The following ZMAT4 variants were observed in gnomAD, a reference collection of about 807,000 sequenced individuals.
ZMAT4 encodes zinc finger matrin-type 4.
A neutral mutation model predicts 28.7 loss-of-function variants in ZMAT4; 17 were observed. The ratio of observed to expected loss-of-function variants is 0.59; its 90% CI spans 0.41 to 0.89. ZMAT4 has a LOEUF of 0.89. Ranked by LOEUF, ZMAT4 falls within the 40% of genes least tolerant of loss-of-function variation. ZMAT4 has a pLI of 0.00. For missense variants in ZMAT4, 240 were observed against 283.8 expected (o/e 0.85, Z 1.11); for synonymous variants, 117 against 109.2 (o/e 1.07, Z -0.44).
chr8:40,795,478 A>G (rs1362749064), intron 2 of ZMAT4, among the ~76,000 whole-genome samples: 1 of 152,198 alleles, frequency 6.6e-6, no homozygotes, highest in African/African-American at 2.4e-5. Flanking sequence ...ATTTACAGTT[A>G]CAGAAATTCA....
chr8:40,794,748 C>A (rs1814514009), intron 2 of ZMAT4, among the ~76,000 whole-genome samples: 1 of 152,130 alleles, frequency 6.6e-6, no homozygotes, highest in African/African-American at 2.4e-5. Flanking sequence ...ATGTCCCTCC[C>A]CTGTGGATCA....
chr8:40,629,666 T>C (rs1806503982), intron 5 of ZMAT4, among the ~76,000 whole-genome samples: 1 of 151,754 alleles, frequency 6.6e-6, no homozygotes. Flanking sequence ...GTTTGGTTTT[T>C]TGTCCTTGAG....
chr8:40,601,614 GAA>G (rs1325704407), intron 5 of ZMAT4, among the ~76,000 whole-genome samples: 2 of 27,202 alleles, frequency 7.4e-5, no homozygotes, highest in African/African-American at 1.9e-4. Context: ...AAGAAAGAAA[GAA>G]AGAAAGAAAG....
intron 2 of ZMAT4, among the ~76,000 whole-genome samples, chr8:40,791,845 C>T (rs909086921): frequency 3.9e-5 from 6 of 152,154 alleles, no homozygotes; most frequent in African/African-American, 1.4e-4. Flanking sequence ...AGCCCTGTGC[C>T]CTGGTGTCCA....
intron 5 of ZMAT4, among the ~76,000 whole-genome samples, chr8:40,671,544 A>C (rs1217263313): frequency 3.9e-5 from 6 of 152,192 alleles, no homozygotes; most frequent in Non-Finnish European, 8.8e-5. Context: ...ACAATGTGTG[A>C]TCCACAATAA....
chr8:40,585,262 C>G (rs1292874985), intron 5 of ZMAT4, among the ~76,000 whole-genome samples: 2 of 152,022 alleles, frequency 1.3e-5, no homozygotes, highest in Non-Finnish European at 1.5e-5. Context: ...TAGGAAGCAG[C>G]CTAAGAGACT....
chr8:40,681,464 T>C (rs1809162810), intron 4 of ZMAT4, among the ~76,000 whole-genome samples: 1 of 152,168 alleles, frequency 6.6e-6, no homozygotes, highest in Non-Finnish European at 1.5e-5. Flanking sequence ...CTACCAACAG[T>C]AAAGTTAGAT....
intron 5 of ZMAT4, among the ~76,000 whole-genome samples, chr8:40,619,794 C>CT: frequency 6.6e-6 from 1 of 152,198 alleles, no homozygotes; most frequent in East Asian, 1.9e-4. Context: ...CGACAATCCC[C>CT]TGAGTAAGGA....
chr8:40,813,360 G>A (rs1563501770), intron 2 of ZMAT4, among the ~76,000 whole-genome samples: 1 of 152,218 alleles, frequency 6.6e-6, no homozygotes, highest in Non-Finnish European at 1.5e-5. Flanking sequence ...TTAAAATCAG[G>A]AAGGGTAAAG....
intron 1 of ZMAT4, among the ~76,000 whole-genome samples, chr8:40,832,674 C>T (rs1206077858): frequency 2.6e-5 from 4 of 152,116 alleles, no homozygotes; most frequent in South Asian, 2.1e-4. Context: ...ACTCCACAGC[C>T]GACTAAAAAT....
At chr8:40,589,808 C>T (rs943647558) in intron 5 of ZMAT4, among the ~76,000 whole-genome samples, 4 of 126,150 alleles carry the variant, frequency 3.2e-5, no homozygotes, top group Non-Finnish European at 3.5e-5. Context: ...CTTTGTCTTT[C>T]CTTTCTTTTT....
chr8:40,751,624 A>G (rs995150623), intron 3 of ZMAT4, among the ~76,000 whole-genome samples: 2 of 152,024 alleles, frequency 1.3e-5, no homozygotes, highest in African/African-American at 2.4e-5. Context: ...CAAATAACCA[A>G]ACTATAACAT....
intron 1 of ZMAT4, among the ~76,000 whole-genome samples, chr8:40,850,537 T>G (rs1342875346): frequency 6.6e-6 from 1 of 152,160 alleles, no homozygotes; most frequent in Admixed American, 6.5e-5. Flanking sequence ...CTTTGTGGGG[T>G]AGAGATCTCT....
intron 5 of ZMAT4, among the ~76,000 whole-genome samples, chr8:40,664,560 C>T (rs976230406): frequency 1.3e-5 from 2 of 152,180 alleles, no homozygotes; most frequent in Non-Finnish European, 2.9e-5. Flanking sequence ...AATGAGCTGG[C>T]TTTAGGAGTA....
At chr8:40,772,858 G>A (rs967719331) in intron 2 of ZMAT4, among the ~76,000 whole-genome samples, 3 of 152,204 alleles carry the variant, frequency 2.0e-5, no homozygotes, top group East Asian at 3.9e-4. Flanking sequence ...GGGGAGAAGA[G>A]GAGCCAATAG....
Position 40,569,268 on chromosome 8 carries a change from C to A in ZMAT4, c.674+11897G>T, listed in dbSNP as rs796508591. 4.6e-5 allele frequency among the ~76,000 whole-genome samples: 7 copies of A among 152,308 alleles called. 1 individual carries two copies. The highest frequency in any genetic ancestry group is 1.7e-4 in the African/African-American group (7 of 41,582). ...TCTCTCCCTACTTCCCCAGCAAAAT[C>A]TAATTAAATAAAGTGACATTTCTCA... On this transcript the variant is annotated intron_variant, in intron 6 of 6. Coordinates refer to ENST00000297737, the MANE Select transcript of ZMAT4 (RefSeq NM_024645.3).
At chr8:40,756,066 C>G (rs1029561999) in intron 3 of ZMAT4, among the ~76,000 whole-genome samples, 2 of 152,092 alleles carry the variant, frequency 1.3e-5, no homozygotes, top group Non-Finnish European at 2.9e-5. Flanking sequence ...CACATTGATC[C>G]TCTCCTTGGG....
At chr8:40,842,930 C>G (rs1469144093) in intron 1 of ZMAT4, among the ~76,000 whole-genome samples, 2 of 152,186 alleles carry the variant, frequency 1.3e-5, no homozygotes, top group African/African-American at 4.8e-5. Flanking sequence ...TGCCCACCAC[C>G]ATGCCTGGCT....
chr8:40,776,960 C>T (rs1482824072), intron 2 of ZMAT4, among the ~76,000 whole-genome samples: 1 of 149,578 alleles, frequency 6.7e-6, no homozygotes, highest in Admixed American at 6.7e-5. Flanking sequence ...GAGTTTATTG[C>T]GTATGTAACA....
Sources: gnomAD v4.1 joint callset for allele counts (sites outside exome capture counted in the v4.1 genomes callset) on GRCh38, gnomAD v4.1.1 for gene constraint, MANE v1.5 for transcripts, NCBI Gene and HGNC (gene_info 2026-07-23, HGNC 2026-07-21) for gene names.